The following MMP13 variants were observed in gnomAD, a reference collection of about 807,000 sequenced individuals.
The protein encoded by MMP13 is collagenase 3.
MMP13 carries 45 observed loss-of-function variants against 52.1 expected under a neutral mutation model. The ratio of observed to expected loss-of-function variants is 0.86; its 90% CI spans 0.68 to 1.11. MMP13 has a LOEUF of 1.11. Ranked by LOEUF, MMP13 falls within the 50% of genes least tolerant of loss-of-function variation. The probability of loss-of-function intolerance (pLI) is 0.00; values close to 1 mark genes in which losing one functional copy is unlikely to be tolerated. For missense variants in MMP13, 576 were observed against 583.8 expected, an observed-to-expected ratio of 0.99 and a Z score of 0.14; for synonymous variants, 200 against 204.4, an observed-to-expected ratio of 0.98 and a Z score of 0.18.
At position 102,949,291 on chromosome 11, in the gene MMP13, A is replaced by C; in HGVS notation, c.918-133T>G. The stretch of plus-strand genomic sequence containing the variant: ...TACCTCCCACCTGTGAAGGGAAAAA[A>C]AATTCCATTACCCTTTAAGCGCCAG... On this transcript the variant is annotated intron_variant, in intron 6 of 9. Coordinates refer to ENST00000260302, the MANE Select transcript of MMP13 (RefSeq NM_002427.4). The surrounding 1 kb of genome is among the most constrained non-coding windows in gnomAD (Gnocchi z 4.2). 8.9e-7 allele frequency: 1 copy of C among 1,120,580 alleles called. No individual in the cohort carries two copies. The highest frequency in any genetic ancestry group is 1.3e-5 in the South Asian group (1 of 74,362). The allele number at this position is 1,120,580 out of a possible 1,614,324, so 69.4% of individuals were successfully genotyped here. A position where few individuals can be genotyped will look rare whatever the true frequency, so the allele number is the denominator to read the frequency against.
In MMP13 at chr11:102,949,567, A is replaced by G. The variant is rs1399530439; in HGVS notation, c.918-409T>C. Among the ~76,000 whole-genome samples the G allele has an allele frequency of 1.3e-5, 2 of 152,206 alleles. No individual in the cohort carries two copies. Among genetic ancestry groups the G allele is most frequent in the East Asian group, 3.8e-4 (2 of 5,202 alleles). ...GAGAAACACCCCCCGCCCCACGAGTACAATGTAATTAGAGTTATAACAGAG... is the reference window on the plus strand; with the variant it reads ...GAGAAACACCCCCCGCCCCACGAGTGCAATGTAATTAGAGTTATAACAGAG... On this transcript the variant is annotated intron_variant, in intron 6 of 9. Transcript: ENST00000260302. This position sits in a 1 kb window ranked among gnomAD's most constrained non-coding sequence, Gnocchi z 4.2.
At chr11:102,944,498 G>C in intron 9 of MMP13, 132 bp from the exon 10 acceptor site, 1 of 611,512 alleles carries the variant, frequency 1.6e-6, no homozygotes, top group Non-Finnish European at 2.9e-6. Flanking sequence ...AACTCTATTA[G>C]TTCTTTAATA....
intron 9 of MMP13, among the ~76,000 whole-genome samples, chr11:102,944,771 C>CTTTTTT (rs557080076): frequency 6.3e-5 from 6 of 95,714 alleles, no homozygotes; most frequent in African/African-American, 1.6e-4. Context: ...CCACTCCCAG[C>CTTTTTT]TTTTTTTTTT....
In MMP13 at chr11:102,949,205, A is replaced by G. The variant is rs782143004; in HGVS notation, c.918-47T>C. ...GTTTTCTGTCACATTTTTAAATGCA[A>G]TATTTCTATCCTGCTAGTCACCTCT... On this transcript the variant is annotated intron_variant, in intron 6 of 9. Coordinates refer to ENST00000260302, the MANE Select transcript of MMP13 (RefSeq NM_002427.4). The surrounding 1 kb of genome is among the most constrained non-coding windows in gnomAD (Gnocchi z 4.2). 187 of 1,604,768 alleles carry G rather than the reference A, an allele frequency of 1.2e-4. No individual in the cohort carries two copies. Among genetic ancestry groups the G allele is most frequent in the Non-Finnish European group, 1.5e-4 (175 of 1,176,550 alleles).
intron 7 of MMP13, among the ~76,000 whole-genome samples, chr11:102,948,514 C>A (rs1860553723): frequency 6.6e-6 from 1 of 151,998 alleles, no homozygotes; most frequent in Non-Finnish European, 1.5e-5. Flanking sequence ...GTTATGTAAT[C>A]ATTTTAAATT....
intron 3 of MMP13, 74 bp from the exon 4 acceptor site, chr11:102,954,355 G>T: frequency 6.2e-7 from 1 of 1,605,850 alleles, no homozygotes; most frequent in Non-Finnish European, 8.5e-7. Context: ...GTAAATTAGT[G>T]TTGAATTCTT....
Position 102,949,825 on chromosome 11 carries a change from T to C in MMP13, c.917+285A>G, listed in dbSNP as rs1860578941. On this transcript the variant is annotated intron_variant, in intron 6 of 9. Transcript: ENST00000260302. The surrounding 1 kb of genome is among the most constrained non-coding windows in gnomAD (Gnocchi z 4.2). ...ACAGCAGTTACTTTCAATGCTTGTC[T>C]GTTTTTAAAACAAATGGGATTTCTA... Among the ~76,000 whole-genome samples the C allele has an allele frequency of 6.6e-6, 1 of 152,228 alleles. No individual in the cohort carries two copies. Among genetic ancestry groups the C allele is most frequent in the Admixed American group, 6.5e-5 (1 of 15,272 alleles).
intron 8 of MMP13, 42 bp downstream of exon 8, chr11:102,947,849 G>T: frequency 6.2e-7 from 1 of 1,610,132 alleles, no homozygotes; most frequent in Non-Finnish European, 8.5e-7. Flanking sequence ...GAGGCACTTT[G>T]CGGCTATGAC....
chr11:102,954,609 A>ATT lies in MMP13; in HGVS notation c.363-5_363-4dup. ...TATCAGGGGTGTAATTCACAATTCTATTTAACAGAGAAAGTTTCAATGAAC... is the reference window on the plus strand; with the variant it reads ...TATCAGGGGTGTAATTCACAATTCTATTTTTAACAGAGAAAGTTTCAATGAAC... On this transcript the variant is annotated splice_region_variant and splice_polypyrimidine_tract_variant and intron_variant, in intron 2 of 9. Coordinates refer to ENST00000260302, the MANE Select transcript of MMP13 (RefSeq NM_002427.4). 6.2e-7 allele frequency: 1 copy of ATT among 1,613,204 alleles called. No homozygotes were observed. Among genetic ancestry groups the ATT allele is most frequent in the African/African-American group, 1.3e-5 (1 of 75,000 alleles).
At position 102,945,623 on chromosome 11, in the gene MMP13, G is replaced by A. The variant is rs782392350; in HGVS notation, c.1315+23C>T. 5 of 1,392,148 alleles carry A rather than the reference G, an allele frequency of 3.6e-6. No individual in the cohort carries two copies. In the Admixed American group the frequency reaches 8.4e-5, roughly 23 times the overall value. The allele number at this position is 1,392,148 out of a possible 1,614,324, so 86.2% of individuals were successfully genotyped here. On this transcript the variant is annotated intron_variant, in intron 9 of 9. Transcript: ENST00000260302. ...GGGGCTACAGAAGCTCCTCTTTAAA[G>A]TCAGTGCAATGTAACTACTTACCAT... is the stretch of plus-strand genomic sequence containing the variant.
rs1445838720 is a variant in MMP13, at chr11:102,947,899, C to T, written c.1203G>A (p.Gln401=). The change falls in exon 8 of 10, where the codon CAG becomes CAA. Residue 401 remains glutamine (Q), a synonymous_variant. Coordinates refer to ENST00000260302, the MANE Select transcript of MMP13 (RefSeq NM_002427.4). ...TGKTLLFSGN[Q]VWRYDDTNHI... ...ACCTACTGCTGCCATACCTCCAGACCTGGTTTCCTGAGAACAGGAGAGTCT... is the reference window on the plus strand; with the variant it reads ...ACCTACTGCTGCCATACCTCCAGACTTGGTTTCCTGAGAACAGGAGAGTCT... The T allele has an allele frequency of 6.2e-7, 1 of 1,613,788 alleles. No homozygotes were observed. The highest frequency in any genetic ancestry group is 8.5e-7 in the Non-Finnish European group (1 of 1,179,854).
rs1312402980 is a variant in MMP13 at position 102,943,544 on chromosome 11, A to T, written c.*722T>A. The T allele has an allele frequency of 1.3e-5, 2 of 152,242 alleles. No individual in the cohort carries two copies. The highest frequency in any genetic ancestry group is 4.8e-5 in the African/African-American group (2 of 41,476). The allele number at this position is 152,242 out of a possible 1,614,324, so 9.4% of individuals were successfully genotyped here. A position where few individuals can be genotyped will look rare whatever the true frequency, so the allele number is the denominator to read the frequency against. ...TCTGAAGAACCTGAAATATTTTAAT[A>T]AAAAGACATCATCCTTCTTTATCCT... On this transcript the variant is annotated 3_prime_UTR_variant, in exon 10 of 10. Transcript: ENST00000260302.
chr11:102,948,564 T>C (rs950928846), intron 7 of MMP13, among the ~76,000 whole-genome samples: 1 of 152,174 alleles, frequency 6.6e-6, no homozygotes, highest in Non-Finnish European at 1.5e-5. Context: ...AAATTGGTCA[T>C]AATTTTATGT....
At chr11:102,945,580 T>C (rs1341454920) in intron 9 of MMP13, 66 bp downstream of exon 9, 1 of 995,320 alleles carries the variant, frequency 1.0e-6, no homozygotes, top group Non-Finnish European at 1.6e-6. Flanking sequence ...AAATGCTTTG[T>C]ACAGAAAAGA....
Position 102,955,492 on chromosome 11 carries a change from C to T in MMP13, c.122G>A (p.Arg41His), listed in dbSNP as rs1860683364. ...AGGATGGTAGTATGATCTCAGGTAG[C>T]GCTAGAAAAGACACCAAAATGAACT... ...LSEEDLQFAE[R>H]YLRSYYHPTN... Residue 41 changes from arginine (R) to histidine (H), a missense_variant and splice_region_variant, in exon 2 of 10, where the codon CGC becomes CAC. Transcript: ENST00000260302. The surrounding 1 kb of genome is among the most constrained non-coding windows in gnomAD (Gnocchi z 4.9). 1 of 1,613,786 alleles carries T rather than the reference C, an allele frequency of 6.2e-7. No homozygotes were observed.
Position 102,947,703 on chromosome 11 carries a change from G to GTGTGTGTGTT in MMP13, c.1211+187_1211+188insAACACACACA, listed in dbSNP as rs1221358004. ...TGTGTGTGTGTGTGTGTGTGTGTGTGTGTTCAAGAGAGCTTGAGACTTTTA... is the reference window on the plus strand; with the variant it reads ...TGTGTGTGTGTGTGTGTGTGTGTGTGTGTGTGTGTTTGTTCAAGAGAGCTTGAGACTTTTA... On this transcript the variant is annotated intron_variant, in intron 8 of 9. Transcript: ENST00000260302. Among the ~76,000 whole-genome samples, 5 of 150,210 alleles carry GTGTGTGTGTT rather than the reference G, an allele frequency of 3.3e-5. 1 individual carries two copies. The East Asian group carries it at 9.7e-4, about 29-fold the overall frequency.
rs782377993 is a variant in MMP13, at chr11:102,944,228, G to A, written c.*38C>T. Reference sequence around the variant, plus strand: ...CACTTCTGGAAGTATTACCCCAAATGCTCTTCAGGATTTAAATAACAATTT... The same window carrying A: ...CACTTCTGGAAGTATTACCCCAAATACTCTTCAGGATTTAAATAACAATTT... On this transcript the variant is annotated 3_prime_UTR_variant, in exon 10 of 10. Coordinates refer to ENST00000260302, the MANE Select transcript of MMP13 (RefSeq NM_002427.4). 3.0e-5 allele frequency: 45 copies of A among 1,484,086 alleles called. No homozygotes were observed. In the East Asian group the frequency reaches 9.5e-4, roughly 31 times the overall value. The allele number at this position is 1,484,086 out of a possible 1,614,324, so 91.9% of individuals were successfully genotyped here.
At chr11:102,950,382 C>T (rs572629534) in intron 5 of MMP13, among the ~76,000 whole-genome samples, 155 bp from the exon 6 acceptor site, 6 of 152,128 alleles carry the variant, frequency 3.9e-5, no homozygotes, top group South Asian at 4.2e-4. Context: ...GTGCAAGTAC[C>T]GTGTAATCTT....
intron 9 of MMP13, among the ~76,000 whole-genome samples, chr11:102,944,771 C>CTTTTTTTTTTTT (rs557080076): frequency 8.4e-5 from 8 of 95,716 alleles, no homozygotes; most frequent in Non-Finnish European, 8.3e-5. Context: ...CCACTCCCAG[C>CTTTTTTTTTTTT]TTTTTTTTTT....
Sources: gnomAD v4.1 joint callset for allele counts (sites outside exome capture counted in the v4.1 genomes callset) on GRCh38, gnomAD v4.1.1 for gene constraint, Gnocchi (gnomAD v3.1) non-coding constraint, MANE v1.5 for transcripts, NCBI Gene and HGNC (gene_info 2026-07-23, HGNC 2026-07-21) for gene names.